The following GTF2IRD1 variants were observed in gnomAD, a reference collection of about 807,000 sequenced individuals.
GTF2IRD1 encodes general transcription factor II-I repeat domain-containing protein 1.
In GTF2IRD1, 26 loss-of-function variants were observed where a neutral mutation model predicts 113.2. That is an observed-to-expected ratio of 0.23 (90% confidence interval 0.17 to 0.32). The LOEUF is 0.32. Ranked by LOEUF, GTF2IRD1 falls within the 10% of genes least tolerant of loss-of-function variation. The pLI is 1.00. For missense variants in GTF2IRD1, 864 were observed against 1,280.8 expected (o/e 0.67, Z 4.97); for synonymous variants, 484 against 529.1 (o/e 0.91, Z 1.17).
rs782680441 is a variant in GTF2IRD1 at position 74,496,554 on chromosome 7, TG to T, written c.-6-11515del. ...GCATGTATGTGTGGGTGTGTGCGTT[TG>T]GGGGGTGTACATGTGTGGGTGTGCA... On this transcript the variant is annotated intron_variant, in intron 1 of 26. Coordinates refer to ENST00000424337, the MANE Select transcript of GTF2IRD1 (RefSeq NM_005685.4). Among the ~76,000 whole-genome samples the T allele has an allele frequency of 2.5e-3, 279 of 113,114 alleles. 2 individuals are homozygous for T. The Middle Eastern group carries it at 0.04, about 16-fold the overall frequency. 74.2% of individuals were successfully genotyped at this position (113,114 alleles called of 152,430 possible).
In GTF2IRD1 at chr7:74,508,217, C is replaced by A. The variant is rs781850044; in HGVS notation, c.123+14C>A. The A allele has an allele frequency of 6.2e-7, 1 of 1,609,362 alleles. No individual in the cohort carries two copies. Among genetic ancestry groups the A allele is most frequent in the South Asian group, 1.1e-5 (1 of 90,764 alleles). ...TTAGACTCCATGGTGAGTGTCCCCA[C>A]CCACCCAAGAGGAGGGGACAGGGTG... On this transcript the variant is annotated intron_variant, in intron 2 of 26. Coordinates refer to ENST00000424337, the MANE Select transcript of GTF2IRD1 (RefSeq NM_005685.4).
intron 1 of GTF2IRD1, among the ~76,000 whole-genome samples, chr7:74,485,257 C>T (rs558612214): frequency 5.3e-4 from 81 of 152,174 alleles, no homozygotes; most frequent in Non-Finnish European, 9.6e-4. Context: ...ACACACTTTC[C>T]TCAATGGCCA....
At chr7:74,576,617 CTTTTTT>C (rs1165378230) in intron 22 of GTF2IRD1, among the ~76,000 whole-genome samples, 2 of 49,364 alleles carry the variant, frequency 4.1e-5, no homozygotes, top group Admixed American at 3.3e-4. Flanking sequence ...ATTTCCTTGT[CTTTTTT>C]TTTTTTTTTT....
At chr7:74,568,338 A>T (rs868944932) in intron 22 of GTF2IRD1, among the ~76,000 whole-genome samples, 1 of 2,918 alleles carries the variant, frequency 3.4e-4, no homozygotes, top group African/African-American at 2.2e-3. Context: ...ATCTCTATTT[A>T]AAAAAAAAAA....
chr7:74,538,787 C>T (rs1554350931), intron 13 of GTF2IRD1, 27 bp downstream of exon 13: 1 of 1,251,742 alleles, frequency 8.0e-7, no homozygotes, highest in Non-Finnish European at 1.2e-6. Flanking sequence ...TGACCACCCC[C>T]TGCAGAAATC....
intron 1 of GTF2IRD1, among the ~76,000 whole-genome samples, chr7:74,484,031 G>C (rs1484462630): frequency 6.6e-6 from 1 of 152,190 alleles, no homozygotes; most frequent in Admixed American, 6.6e-5. Context: ...GAGAGGCCTT[G>C]ATAAGTGGGC....
At chr7:74,553,039 T>C (rs1554355515) in intron 17 of GTF2IRD1, among the ~76,000 whole-genome samples, 1 of 152,104 alleles carries the variant, frequency 6.6e-6, no homozygotes, top group Non-Finnish European at 1.5e-5. Flanking sequence ...TGTTTCACCA[T>C]GTTGGTCAGG....
intron 14 of GTF2IRD1, among the ~76,000 whole-genome samples, chr7:74,543,872 CAAAAAAAAAA>C (rs782039486): frequency 1.4e-4 from 5 of 34,574 alleles, no homozygotes; most frequent in African/African-American, 3.8e-4. Context: ...CCCATCTCTA[CAAAAAAAAAA>C]AAAAAAAAAA....
At chr7:74,482,675 A>C (rs1267486556) in intron 1 of GTF2IRD1, among the ~76,000 whole-genome samples, 1 of 151,414 alleles carries the variant, frequency 6.6e-6, no homozygotes, top group African/African-American at 2.4e-5. Context: ...AGTTACTACC[A>C]CTCTCCCTGA....
At position 74,600,593 on chromosome 7, in the gene GTF2IRD1, C is replaced by T. The variant is rs964819581; in HGVS notation, c.2630-451C>T. Among the ~76,000 whole-genome samples the T allele has an allele frequency of 1.2e-4, 19 of 152,060 alleles. 1 individual carries two copies. Among genetic ancestry groups the T allele is most frequent in the Admixed American group, 9.8e-4 (15 of 15,232 alleles). On this transcript the variant is annotated intron_variant, in intron 25 of 26. Transcript: ENST00000424337. ...GGACGTGGTGGCAGACACCTATAAC[C>T]CCAGCTACTTGGGAGGCTCAGGCAC...
At chr7:74,540,096 T>A in intron 14 of GTF2IRD1, 128 bp downstream of exon 14, 1 of 640,046 alleles carries the variant, frequency 1.6e-6, no homozygotes, top group Non-Finnish European at 2.8e-6. Flanking sequence ...AAACCCAATA[T>A]ATGCCTGACC....
chr7:74,499,421 A>G (rs10227567), intron 1 of GTF2IRD1, among the ~76,000 whole-genome samples: 40,385 of 150,598 alleles, frequency 0.27, 6,234 homozygotes, highest in East Asian at 0.44. Flanking sequence ...GGAAGGAAGG[A>G]AGAGAAGGGA....
chr7:74,558,347 CTTTTTTTTTT>C (rs1193682168), intron 20 of GTF2IRD1, among the ~76,000 whole-genome samples: 817 of 60,406 alleles, frequency 0.014, 3 homozygotes, highest in African/African-American at 0.028. Flanking sequence ...TCTTTCGTTT[CTTTTTTTTTT>C]TTTTTTTTTT....
chr7:74,460,109 G>A (rs1793266718), intron 1 of GTF2IRD1, among the ~76,000 whole-genome samples: 1 of 151,324 alleles, frequency 6.6e-6, no homozygotes, highest in Non-Finnish European at 1.5e-5. Context: ...CCAAGTAGGT[G>A]GGACCACAGG....
chr7:74,528,565 G>A (rs1412888896), intron 8 of GTF2IRD1, among the ~76,000 whole-genome samples: 3 of 151,858 alleles, frequency 2.0e-5, no homozygotes, highest in African/African-American at 2.4e-5. Context: ...GAGTGTGGAT[G>A]TAGTGTCAGG....
chr7:74,593,100 G>A (rs587594489), intron 24 of GTF2IRD1, among the ~76,000 whole-genome samples: 4 of 151,842 alleles, frequency 2.6e-5, no homozygotes, highest in Middle Eastern at 3.4e-3. Flanking sequence ...TAAGTGATCC[G>A]CCCACCTTGG....
At chr7:74,493,407 G>A (rs1332925679) in intron 1 of GTF2IRD1, among the ~76,000 whole-genome samples, 4 of 151,710 alleles carry the variant, frequency 2.6e-5, no homozygotes, top group Admixed American at 6.6e-5. Flanking sequence ...TACCGCGCCC[G>A]GCCATGACCT....
At position 74,468,676 on chromosome 7, in the gene GTF2IRD1, C is replaced by CTGTGTGTG. The variant is rs61694825; in HGVS notation, c.-7+14540_-7+14547dup. ...ACTCCATCTCCAAAAAAAAAAAAAA[C>CTGTGTGTG]TGTGTGTGTGTGTGTGTGTGTGTGT... On this transcript the variant is annotated intron_variant, in intron 1 of 26. Coordinates refer to ENST00000424337, the MANE Select transcript of GTF2IRD1 (RefSeq NM_005685.4). 1.4e-3 allele frequency among the ~76,000 whole-genome samples: 176 copies of CTGTGTGTG among 129,414 alleles called. 1 individual carries two copies. Among genetic ancestry groups the CTGTGTGTG allele is most frequent in the South Asian group, 4.3e-3 (17 of 3,916 alleles). 84.9% of individuals were successfully genotyped at this position (129,414 alleles called of 152,430 possible). A position where few individuals can be genotyped will look rare whatever the true frequency, so the allele number is the denominator to read the frequency against.
chr7:74,497,513 C>T (rs533071640), intron 1 of GTF2IRD1, among the ~76,000 whole-genome samples: 37 of 152,286 alleles, frequency 2.4e-4, no homozygotes, highest in African/African-American at 8.2e-4. Context: ...CCTCAGCCTC[C>T]CAAAGTGCTG....
Sources: gnomAD v4.1 joint callset for allele counts (sites outside exome capture counted in the v4.1 genomes callset) on GRCh38, gnomAD v4.1.1 for gene constraint, MANE v1.5 for transcripts, NCBI Gene and HGNC (gene_info 2026-07-23, HGNC 2026-07-21) for gene names.